IRAK2: variants seen among roughly 807,000 people sequenced by gnomAD.
IRAK2 encodes interleukin 1 receptor associated kinase 2.
In IRAK2, 57 loss-of-function variants were observed where a neutral mutation model predicts 72.0. The ratio of observed to expected loss-of-function variants is 0.79; its 90% CI spans 0.64 to 0.99. IRAK2 has a LOEUF of 0.99. Among genes scored for constraint, IRAK2 ranks in the 50% least tolerant of loss-of-function variants. The pLI, the probability that IRAK2 is intolerant of heterozygous loss-of-function variation, is 0.00. For synonymous variants in IRAK2, 293 were observed against 312.7 expected, an observed-to-expected ratio of 0.94 and a Z score of 0.67; for missense variants, 790 against 794.4, an observed-to-expected ratio of 0.99 and a Z score of 0.07.
At chr3:10,177,756 C>A in intron 1 of IRAK2, 82 bp from the exon 2 acceptor site, 3 of 1,400,654 alleles carry the variant, frequency 2.1e-6, no homozygotes, top group Non-Finnish European at 3.0e-6. Context: ...CCTGGAAAAG[C>A]CCAGCTAGGG....
chr3:10,236,025 C>G (rs1697951886), intron 11 of IRAK2, among the ~76,000 whole-genome samples: 1 of 152,170 alleles, frequency 6.6e-6, no homozygotes, highest in Admixed American at 6.5e-5. Flanking sequence ...GGTCCACGCT[C>G]CTGGAACTCA....
intron 1 of IRAK2, among the ~76,000 whole-genome samples, chr3:10,165,345 C>G (rs1277200939): frequency 6.6e-6 from 1 of 152,138 alleles, no homozygotes; most frequent in African/African-American, 2.4e-5. Context: ...GTGACGTCCC[C>G]AGGTGGCCTC....
intron 3 of IRAK2, among the ~76,000 whole-genome samples, chr3:10,209,208 T>C (rs1697481192): frequency 6.6e-6 from 1 of 152,178 alleles, no homozygotes; most frequent in Non-Finnish European, 1.5e-5. Context: ...TGGTAGCTAG[T>C]TCACCTCTGT....
chr3:10,224,323 C>T (rs1483443324), intron 9 of IRAK2, among the ~76,000 whole-genome samples: 11 of 135,548 alleles, frequency 8.1e-5, no homozygotes, highest in African/African-American at 2.8e-4. Flanking sequence ...GGCAACAGAG[C>T]AAGATTCTGT....
At chr3:10,192,046 GTGTGTGTGTGTGTGT>G (rs1470126651) in intron 2 of IRAK2, among the ~76,000 whole-genome samples, 6 of 151,780 alleles carry the variant, frequency 4.0e-5, no homozygotes, top group Non-Finnish European at 7.4e-5. Context: ...GTGTGTGTGT[GTGTGTGTGTGTGTGT>G]TGTGTGTTGT....
At chr3:10,176,689 G>A (rs932655920) in intron 1 of IRAK2, among the ~76,000 whole-genome samples, 17 of 151,242 alleles carry the variant, frequency 1.1e-4, no homozygotes, top group Admixed American at 6.6e-4. Context: ...ATGTTAGCCA[G>A]CATGGTCTCA....
intron 2 of IRAK2, among the ~76,000 whole-genome samples, chr3:10,182,385 C>T (rs1311957149): frequency 6.6e-6 from 1 of 151,616 alleles, no homozygotes; most frequent in Non-Finnish European, 1.5e-5. Flanking sequence ...CAGGTTCATG[C>T]CATTCTCCTG....
intron 11 of IRAK2, among the ~76,000 whole-genome samples, chr3:10,235,643 A>G (rs1248098837): frequency 6.6e-6 from 1 of 152,092 alleles, no homozygotes; most frequent in Non-Finnish European, 1.5e-5. Flanking sequence ...CTCGGACCAG[A>G]CACCCACTTT....
At chr3:10,215,490 T>A (rs1340890183) in intron 6 of IRAK2, among the ~76,000 whole-genome samples, 2 of 151,888 alleles carry the variant, frequency 1.3e-5, no homozygotes, top group South Asian at 2.1e-4. Flanking sequence ...TAGAAACTTT[T>A]TCACAGCACC....
At chr3:10,210,297 C>G (rs1436812748) in intron 4 of IRAK2, among the ~76,000 whole-genome samples, 3 of 152,042 alleles carry the variant, frequency 2.0e-5, no homozygotes, top group Non-Finnish European at 4.4e-5. Flanking sequence ...GGGAGGATGG[C>G]TTCAGCCCAG....
chr3:10,226,273 C>T, intron 9 of IRAK2, 98 bp from the exon 10 acceptor site: 6 of 931,564 alleles, frequency 6.4e-6, no homozygotes, highest in Non-Finnish European at 8.3e-6. Context: ...GGCAGAGCTG[C>T]ACCTGGAGCT....
chr3:10,213,196 T>C lies in IRAK2; in HGVS notation c.529-11T>C, dbSNP rs201497244. The C allele has an allele frequency of 4.2e-5, 68 of 1,612,160 alleles. No homozygotes were observed. The East Asian group carries it at 1.1e-3, about 25-fold the overall frequency. ...CATAGTAATCTCCATCTCTTCTCTC[T>C]GGGTCTCCAGGACTTCAGCACCTCC... On this transcript the variant is annotated splice_polypyrimidine_tract_variant and intron_variant, in intron 4 of 12. Transcript: ENST00000256458.
chr3:10,240,709 G>A (rs1342591520), intron 12 of IRAK2, among the ~76,000 whole-genome samples: 2 of 150,884 alleles, frequency 1.3e-5, no homozygotes, highest in Admixed American at 6.6e-5. Context: ...ACAGGCATGT[G>A]CCACCATGCC....
chr3:10,178,124 A>C, intron 2 of IRAK2, 104 bp downstream of exon 2: 1 of 956,848 alleles, frequency 1.0e-6, no homozygotes. Context: ...TTCCTCTTTT[A>C]ATTAAAAAAT....
intron 7 of IRAK2, 59 bp from the exon 8 acceptor site, chr3:10,219,621 A>G: frequency 2.2e-6 from 3 of 1,347,948 alleles, no homozygotes; most frequent in South Asian, 1.2e-5. Context: ...CCTGGCTGCC[A>G]TCAGGACTTT....
chr3:10,202,890 A>G (rs1222390819), intron 3 of IRAK2, among the ~76,000 whole-genome samples: 1 of 151,518 alleles, frequency 6.6e-6, no homozygotes, highest in Admixed American at 6.6e-5. Context: ...GGATCTCATT[A>G]TGTTGCCCAG....
chr3:10,218,947 C>T (rs1053234043), intron 7 of IRAK2, among the ~76,000 whole-genome samples: 2 of 152,184 alleles, frequency 1.3e-5, no homozygotes, highest in African/African-American at 4.8e-5. Flanking sequence ...CCTGTAATTC[C>T]AGCACTTTGG....
intron 2 of IRAK2, among the ~76,000 whole-genome samples, chr3:10,189,437 C>G (rs925641344): frequency 6.6e-6 from 1 of 152,170 alleles, no homozygotes; most frequent in Admixed American, 6.5e-5. Flanking sequence ...GGGAGTATCC[C>G]CTGTTTTGGC....
intron 3 of IRAK2, among the ~76,000 whole-genome samples, chr3:10,204,468 T>G (rs1697407726): frequency 6.6e-6 from 1 of 152,136 alleles, no homozygotes; most frequent in Non-Finnish European, 1.5e-5. Context: ...GCATTTTGCT[T>G]GAGAAAGCAG....
Sources: allele counts gnomAD v4.1 joint callset (sites outside exome capture counted in the v4.1 genomes callset), GRCh38; gene constraint gnomAD v4.1.1; transcripts MANE v1.5; gene names NCBI Gene and HGNC (gene_info 2026-07-23, HGNC 2026-07-21).